CRTAP: variants seen among roughly 807,000 people sequenced by gnomAD.
CRTAP encodes the protein cartilage associated protein, also known as cartilage-associated protein.
A neutral mutation model predicts 42.7 loss-of-function variants in CRTAP; 33 were observed. The observed-to-expected ratio is 0.77, with a 90% CI of 0.59 to 1.03. The LOEUF is 1.03. Ranked by LOEUF, CRTAP falls within the 50% of genes least tolerant of loss-of-function variation. CRTAP has a pLI of 0.00. For missense variants in CRTAP, 613 were observed against 533.9 expected, an observed-to-expected ratio of 1.15 and a Z score of -1.46; for synonymous variants, 243 against 217.7, an observed-to-expected ratio of 1.12 and a Z score of -1.02.
At chr3:33,118,053 CG>C (rs1298177798) in intron 1 of CRTAP, among the ~76,000 whole-genome samples, 1 of 152,000 alleles carries the variant, frequency 6.6e-6, no homozygotes, top group Non-Finnish European at 1.5e-5. Flanking sequence ...CTCCGCCCCC[CG>C]GGTTCAAGTG....
intron 6 of CRTAP, among the ~76,000 whole-genome samples, chr3:33,137,792 T>G (rs568078665): frequency 6.6e-6 from 1 of 152,356 alleles, no homozygotes; most frequent in South Asian, 2.1e-4. Flanking sequence ...TCACAAAGAT[T>G]TACTCCTGAT....
intron 1 of CRTAP, 68 bp downstream of exon 1, chr3:33,114,616 G>A: frequency 2.1e-6 from 3 of 1,453,512 alleles, no homozygotes; most frequent in Non-Finnish European, 2.8e-6. Context: ...CCCTAGCCCC[G>A]CCCCTGCGCC....
chr3:33,138,198 C>T (rs1422470250), intron 6 of CRTAP, among the ~76,000 whole-genome samples: 1 of 151,802 alleles, frequency 6.6e-6, no homozygotes, highest in African/African-American at 2.4e-5. Flanking sequence ...CAACGTTGTT[C>T]TTCTTTTCCA....
At chr3:33,117,413 A>G (rs1473147625) in intron 1 of CRTAP, among the ~76,000 whole-genome samples, 2 of 152,214 alleles carry the variant, frequency 1.3e-5, no homozygotes, top group Non-Finnish European at 2.9e-5. Flanking sequence ...ACTGGTGTGC[A>G]GCCTCAGGTG....
chr3:33,123,064 A>G (rs1191315358), intron 2 of CRTAP, among the ~76,000 whole-genome samples: 3 of 152,208 alleles, frequency 2.0e-5, no homozygotes, highest in South Asian at 2.1e-4. Context: ...CCTGGGTTCA[A>G]ATGATTCTCC....
intron 4 of CRTAP, 58 bp from the exon 5 acceptor site, chr3:33,132,497 A>C: frequency 1.2e-6 from 2 of 1,610,094 alleles, no homozygotes; most frequent in South Asian, 2.2e-5. Context: ...TTAGAAGCAG[A>C]GAAATTATAG....
rs1293389818 is a variant in CRTAP at position 33,129,957 on chromosome 3, T to C, written c.812T>C (p.Leu271Pro). 6.2e-7 allele frequency: 1 copy of C among 1,613,666 alleles called. No homozygotes were observed. Among genetic ancestry groups the C allele is most frequent in the Admixed American group, 1.7e-5 (1 of 60,026 alleles). The stretch of plus-strand genomic sequence containing the variant: ...GTTTCAGATCATTATGTAGAAGTTC[T>C]GGAATGCAAAATACAGTGTGAAGAG... The part of the protein sequence containing the change: ...LSIADHYVEV[L>P]ECKIQCEENL... The change falls in exon 4 of 7, where the codon CTG (leucine) becomes CCG (proline). Residue 271 changes from leucine to proline, a missense_variant. By Grantham distance (98) the Leu-to-Pro change is moderately conservative. Transcript: ENST00000320954.
intron 2 of CRTAP, among the ~76,000 whole-genome samples, chr3:33,122,314 G>C (rs777932186): frequency 3.3e-5 from 5 of 151,944 alleles, no homozygotes; most frequent in Non-Finnish European, 5.9e-5. Flanking sequence ...AGAACCAGCT[G>C]TCTGGAGTTG....
chr3:33,120,761 T>C (rs779970215), intron 2 of CRTAP, among the ~76,000 whole-genome samples: 2 of 152,176 alleles, frequency 1.3e-5, no homozygotes, highest in Admixed American at 6.5e-5. Flanking sequence ...TTTAAGAGGG[T>C]AGATTAAAGA....
chr3:33,145,645 C>A lies in CRTAP; in HGVS notation c.*3197C>A, dbSNP rs1026686082. 2 of 152,312 alleles carry A rather than the reference C, an allele frequency of 1.3e-5. No homozygotes were observed. The highest frequency in any genetic ancestry group is 2.9e-5 in the Non-Finnish European group (2 of 68,122). 9.4% of individuals were successfully genotyped at this position (152,312 alleles called of 1,614,324 possible). A position where few individuals can be genotyped will look rare whatever the true frequency, so the allele number is the denominator to read the frequency against. On this transcript the variant is annotated 3_prime_UTR_variant, in exon 7 of 7. Coordinates refer to ENST00000320954, the MANE Select transcript of CRTAP (RefSeq NM_006371.5). The surrounding 1 kb of genome is among the most constrained non-coding windows in gnomAD (Gnocchi z 4.3). ...AGCAGCTGTGAACTCCCCTTATAGCCTCAGGCTGCAGTGTCCTTCCCAGCT... is the reference window on the plus strand; with the variant it reads ...AGCAGCTGTGAACTCCCCTTATAGCATCAGGCTGCAGTGTCCTTCCCAGCT...
In CRTAP at chr3:33,124,470, C is replaced by G; in HGVS notation, c.684C>G (p.Asp228Glu). Residue 228 changes from aspartate to glutamate, a missense_variant, in exon 3 of 7, where the codon GAC becomes GAG. Physicochemically the swap from Asp to Glu is conservative, Grantham distance 45. Transcript: ENST00000320954. Reference sequence around the variant, plus strand: ...AGAACTGGAGAACATCCATCACAGACATGGAGCTGGCCCTTCCCGACTTCT... The same window carrying G: ...AGAACTGGAGAACATCCATCACAGAGATGGAGCTGGCCCTTCCCGACTTCT... ...NGENWRTSIT[D>E]MELALPDFFK... 2.5e-6 allele frequency: 4 copies of G among 1,614,216 alleles called. No individual in the cohort carries two copies. Among genetic ancestry groups the G allele is most frequent in the Middle Eastern group, 1.6e-4 (1 of 6,062 alleles).
intron 6 of CRTAP, among the ~76,000 whole-genome samples, chr3:33,141,073 A>G (rs1184780071): frequency 6.6e-6 from 1 of 152,184 alleles, no homozygotes; most frequent in Non-Finnish European, 1.5e-5. Context: ...GCTAGCCATT[A>G]GCAAGCAGCC....
chr3:33,135,173 G>A (rs1391593458), intron 6 of CRTAP, among the ~76,000 whole-genome samples: 1 of 152,220 alleles, frequency 6.6e-6, no homozygotes, highest in Non-Finnish European at 1.5e-5. Context: ...ATGTGGAAAT[G>A]CTTTCTAAAC....
chr3:33,132,617 A>T lies in CRTAP; in HGVS notation c.985A>T (p.Lys329Ter). The change falls in exon 5 of 7, where the codon AAG becomes TAG. Residue 329 changes from lysine (K) to a stop codon, truncating the protein, a stop_gained. Transcript: ENST00000320954. LOFTEE classifies it high-confidence loss of function. ...CTATCTGCTCTTTGATCAGAATGAC[A>T]AGGTCATGCAGCAGAACCTGGTGTA... ...VSYLLFDQND[K>*]VMQQNLVYYQ... The T allele has an allele frequency of 6.2e-7, 1 of 1,614,200 alleles. No individual in the cohort carries two copies. Among genetic ancestry groups the T allele is most frequent in the Non-Finnish European group, 8.5e-7 (1 of 1,180,002 alleles).
chr3:33,142,519 C>A lies in CRTAP; in HGVS notation c.*71C>A. ...GATTCTTTGTCCTTTTCCCAACAGC[C>A]CAGGCTGTTGATACCTCAGAGCCTT... On this transcript the variant is annotated 3_prime_UTR_variant, in exon 7 of 7. Coordinates refer to ENST00000320954, the MANE Select transcript of CRTAP (RefSeq NM_006371.5). 1 of 1,482,344 alleles carries A rather than the reference C, an allele frequency of 6.7e-7. No individual in the cohort carries two copies. The highest frequency in any genetic ancestry group is 9.4e-7 in the Non-Finnish European group (1 of 1,060,772). The allele number at this position is 1,482,344 out of a possible 1,614,324, so 91.8% of individuals were successfully genotyped here.
rs1427983270 is a variant in CRTAP, at chr3:33,114,307, T to A, written c.230T>A (p.Leu77Gln). 1 of 1,556,952 alleles carries A rather than the reference T, an allele frequency of 6.4e-7. No homozygotes were observed. Among genetic ancestry groups the A allele is most frequent in the South Asian group, 1.2e-5 (1 of 85,364 alleles). ...LEISLRLHRL[L>Q]RDSEAFCHRN... ...ATCAGCCTGCGGCTGCACCGCTTGC[T>A]GCGCGACAGCGAGGCCTTCTGCCAC... The change falls in exon 1 of 7, where the codon CTG becomes CAG. Residue 77 changes from leucine (L) to glutamine (Q), a missense_variant. Transcript: ENST00000320954.
rs773519852 is a variant in CRTAP at position 33,132,667 on chromosome 3, G to C, written c.1035G>C (p.Trp345Cys). The C allele has an allele frequency of 6.2e-7, 1 of 1,614,080 alleles. No homozygotes were observed. The highest frequency in any genetic ancestry group is 1.7e-5 in the Admixed American group (1 of 60,022). The change falls in exon 5 of 7, where the codon TGG becomes TGC. Residue 345 changes from tryptophan (W) to cysteine (C), a missense_variant. Physicochemically the swap from Trp to Cys is radical, Grantham distance 215. Coordinates refer to ENST00000320954, the MANE Select transcript of CRTAP (RefSeq NM_006371.5). ...LVYYQYHRDT[W>C]GLSDEHFQPR... Reference sequence around the variant, plus strand: ...ATTACCAGTACCACAGGGACACTTGGGGCCTCTCGGATGAGCACTTCCAGC... The same window carrying C: ...ATTACCAGTACCACAGGGACACTTGCGGCCTCTCGGATGAGCACTTCCAGC...
At chr3:33,130,525 C>CTTT (rs765558103) in intron 4 of CRTAP, among the ~76,000 whole-genome samples, 246 of 55,192 alleles carry the variant, frequency 4.5e-3, no homozygotes, top group East Asian at 9.5e-3. Context: ...CTTTTCTTTT[C>CTTT]TTTTTTTTTT....
At chr3:33,126,330 G>A (rs72857469) in intron 3 of CRTAP, among the ~76,000 whole-genome samples, 4,160 of 152,104 alleles carry the variant, frequency 0.027, 200 homozygotes, top group African/African-American at 0.094. Context: ...AGGTTCTTCC[G>A]CCATATCTTT....
Sources: gnomAD v4.1 joint callset for allele counts (sites outside exome capture counted in the v4.1 genomes callset) on GRCh38, gnomAD v4.1.1 for gene constraint, Gnocchi (gnomAD v3.1) non-coding constraint, MANE v1.5 for transcripts, NCBI Gene and HGNC (gene_info 2026-07-23, HGNC 2026-07-21) for gene names.